Variants in DNAH14 observed in about 807,000 individuals in gnomAD.
DNAH14 encodes axonemal beta dynein heavy chain 14.
A neutral mutation model predicts 520.9 loss-of-function variants in DNAH14; 478 were observed. The ratio of observed to expected loss-of-function variants is 0.92; its 90% CI spans 0.85 to 0.99. The LOEUF is 0.99. DNAH14 is among the 50% of genes least tolerant of loss of function. The pLI is 0.00. For synonymous variants in DNAH14, 1,581 were observed against 1,757.2 expected (o/e 0.90, Z 2.51); for missense variants, 4,831 against 5,234.5 (o/e 0.92, Z 2.38).
chr1:225,156,849 G>C (rs2081095534), intron 34 of DNAH14, among the ~76,000 whole-genome samples: 1 of 135,656 alleles, frequency 7.4e-6, no homozygotes, highest in Non-Finnish European at 1.6e-5. Context: ...CAAGTAGCTG[G>C]GACTACAGGC....
intron 42 of DNAH14, among the ~76,000 whole-genome samples, chr1:225,231,710 T>G (rs1200740961): frequency 6.6e-6 from 1 of 152,172 alleles, no homozygotes; most frequent in Non-Finnish European, 1.5e-5. Context: ...GTTTCTACTC[T>G]GCCTGTCAGT....
chr1:224,992,278 A>G (rs1359583726), intron 8 of DNAH14, among the ~76,000 whole-genome samples: 1 of 152,180 alleles, frequency 6.6e-6, no homozygotes, highest in Non-Finnish European at 1.5e-5. Flanking sequence ...TAAAAATAAC[A>G]TTAGTATTTT....
chr1:224,990,818 G>C (rs750502621), intron 8 of DNAH14, among the ~76,000 whole-genome samples: 1 of 152,080 alleles, frequency 6.6e-6, no homozygotes, highest in Non-Finnish European at 1.5e-5. Flanking sequence ...ATTTAGAAGT[G>C]GGATTGTTGA....
intron 41 of DNAH14, among the ~76,000 whole-genome samples, chr1:225,213,322 C>T (rs779787351): frequency 1.3e-5 from 2 of 152,050 alleles, no homozygotes; most frequent in Non-Finnish European, 2.9e-5. Flanking sequence ...CCTTGTAGTA[C>T]AGTTTGAAGT....
At chr1:225,270,936 A>G in intron 50 of DNAH14, 70 bp downstream of exon 50, 1 of 1,419,288 alleles carries the variant, frequency 7.0e-7, no homozygotes, top group Non-Finnish European at 9.6e-7. Flanking sequence ...ACGAGAACTT[A>G]AATCCACTAA....
chr1:225,150,228 A>C (rs538457410), intron 31 of DNAH14, among the ~76,000 whole-genome samples: 26 of 152,298 alleles, frequency 1.7e-4, no homozygotes, highest in African/African-American at 6.0e-4. Context: ...CCAACCTTGC[A>C]CCCCAGGCAT....
chr1:225,143,261 A>G (rs1338343581), intron 28 of DNAH14, among the ~76,000 whole-genome samples: 1 of 152,156 alleles, frequency 6.6e-6, no homozygotes, highest in Non-Finnish European at 1.5e-5. Flanking sequence ...ATCATAAAAC[A>G]AATACAGGTT....
intron 75 of DNAH14, among the ~76,000 whole-genome samples, chr1:225,362,635 G>C (rs1221072202): frequency 6.7e-6 from 1 of 148,548 alleles, no homozygotes; most frequent in Non-Finnish European, 1.5e-5. Flanking sequence ...TAAAACCATA[G>C]TGATCTAGCC....
At chr1:224,952,805 G>A in intron 2 of DNAH14, 26 bp downstream of exon 2, 1 of 1,528,176 alleles carries the variant, frequency 6.5e-7, no homozygotes, top group South Asian at 1.2e-5. Flanking sequence ...AATATAATGA[G>A]TTTTTTTCTA....
chr1:225,101,422 C>T (rs1257524813), intron 23 of DNAH14, among the ~76,000 whole-genome samples: 1 of 151,968 alleles, frequency 6.6e-6, no homozygotes, highest in Non-Finnish European at 1.5e-5. Flanking sequence ...TAGGTATGGT[C>T]ACCCCATTCA....
chr1:225,191,921 A>G (rs1325348418), intron 37 of DNAH14, among the ~76,000 whole-genome samples: 1 of 151,994 alleles, frequency 6.6e-6, no homozygotes, highest in East Asian at 1.9e-4. Context: ...TGTATCTTTA[A>G]TAATAGTTCC....
At chr1:224,940,711 C>T (rs1391977026) in intron 1 of DNAH14, among the ~76,000 whole-genome samples, 1 of 151,632 alleles carries the variant, frequency 6.6e-6, no homozygotes, top group Non-Finnish European at 1.5e-5. Flanking sequence ...GTGATGTTCC[C>T]CTTCCTGTGT....
At chr1:224,984,073 C>T (rs1206153133) in intron 8 of DNAH14, among the ~76,000 whole-genome samples, 1 of 152,164 alleles carries the variant, frequency 6.6e-6, no homozygotes, top group East Asian at 1.9e-4. Context: ...AAAAAAGAGT[C>T]TGCATAGCCA....
chr1:225,104,274 G>A (rs1431740976), intron 23 of DNAH14, among the ~76,000 whole-genome samples: 1 of 152,134 alleles, frequency 6.6e-6, no homozygotes, highest in Non-Finnish European at 1.5e-5. Flanking sequence ...ATGTGCTGCT[G>A]GATTCGGTTT....
chr1:225,140,671 CTT>C, intron 27 of DNAH14, 95 bp from the exon 28 acceptor site: 5 of 1,027,708 alleles, frequency 4.9e-6, no homozygotes, highest in Non-Finnish European at 6.9e-6. Flanking sequence ...ACCACATAAA[CTT>C]TATGAAAACA....
At chr1:224,974,680 A>C (rs1033702541) in intron 8 of DNAH14, among the ~76,000 whole-genome samples, 1 of 152,120 alleles carries the variant, frequency 6.6e-6, no homozygotes, top group Non-Finnish European at 1.5e-5. Context: ...TGCTATCACC[A>C]CAGTTTCCCT....
chr1:224,991,897 G>A (rs1212508464), intron 8 of DNAH14, among the ~76,000 whole-genome samples: 4 of 152,172 alleles, frequency 2.6e-5, no homozygotes, highest in Non-Finnish European at 5.9e-5. Flanking sequence ...TTAGAGAAAT[G>A]CAAATCAAAA....
intron 10 of DNAH14, among the ~76,000 whole-genome samples, chr1:225,015,172 G>A (rs913862847): frequency 3.3e-5 from 5 of 151,988 alleles, no homozygotes; most frequent in African/African-American, 1.2e-4. Flanking sequence ...TTCACTTTCA[G>A]TCTGTGCATG....
intron 36 of DNAH14, among the ~76,000 whole-genome samples, chr1:225,178,371 GC>G (rs1472217153): frequency 6.6e-6 from 1 of 152,120 alleles, no homozygotes; most frequent in Non-Finnish European, 1.5e-5. Flanking sequence ...AAATGAGGAG[GC>G]AAAAGCAGAA....
Sources: gnomAD v4.1 joint callset for allele counts (sites outside exome capture counted in the v4.1 genomes callset) on GRCh38, gnomAD v4.1.1 for gene constraint, MANE v1.5 for transcripts, NCBI Gene and HGNC (gene_info 2026-07-23, HGNC 2026-07-21) for gene names.